Variants in SLC9A8 observed in about 807,000 individuals in gnomAD.
SLC9A8 encodes sodium/hydrogen exchanger 8.
A neutral mutation model predicts 66.6 loss-of-function variants in SLC9A8; 48 were observed. The observed-to-expected ratio is 0.72, with a 90% CI of 0.57 to 0.92. SLC9A8 has a LOEUF of 0.92. Ranked by LOEUF, SLC9A8 falls within the 40% of genes least tolerant of loss-of-function variation. SLC9A8 has a pLI of 0.00. For missense variants in SLC9A8, 599 were observed against 747.3 expected (o/e 0.80, Z 2.31); for synonymous variants, 274 against 282.6 (o/e 0.97, Z 0.31).
rs2090027736 is a variant in SLC9A8 at position 49,890,923 on chromosome 20, T to C, written c.*2987T>C. On this transcript the variant is annotated 3_prime_UTR_variant, in exon 16 of 16. Transcript: ENST00000361573. ...CAGGATTCCTTTGTGTGCCATGGAA[T>C]GCTGAAAGATGGGTGACTGGGGACC... 6.6e-6 allele frequency: 1 copy of C among 152,292 alleles called. No homozygotes were observed. Among genetic ancestry groups the C allele is most frequent in the Admixed American group, 6.5e-5 (1 of 15,286 alleles). 9.4% of individuals were successfully genotyped at this position (152,292 alleles called of 1,614,324 possible). A position where few individuals can be genotyped will look rare whatever the true frequency, so the allele number is the denominator to read the frequency against.
chr20:49,848,230 G>C (rs1245703489), intron 5 of SLC9A8, among the ~76,000 whole-genome samples: 6 of 152,088 alleles, frequency 3.9e-5, no homozygotes, highest in Non-Finnish European at 1.5e-5. Context: ...AGTCTAATCT[G>C]TTTTTAAATA....
At position 49,836,099 on chromosome 20, in the gene SLC9A8, C is replaced by T. The variant is rs189642704; in HGVS notation, c.290-3442C>T. Among the ~76,000 whole-genome samples, 216 of 152,266 alleles carry T rather than the reference C, an allele frequency of 1.4e-3. 3 individuals carry two copies. In the South Asian group the frequency reaches 0.028, roughly 20 times the overall value. Reference sequence around the variant, plus strand: ...CATGCCCTTTAGCTCTCCTCCCTGTCCCTGGGCAACCATTACTGTCCCTGT... The same window carrying T: ...CATGCCCTTTAGCTCTCCTCCCTGTTCCTGGGCAACCATTACTGTCCCTGT... On this transcript the variant is annotated intron_variant, in intron 3 of 15. Coordinates refer to ENST00000361573, the MANE Select transcript of SLC9A8 (RefSeq NM_015266.3).
chr20:49,815,194 A>C lies in SLC9A8; in HGVS notation c.208+5A>C, dbSNP rs1171981720. On this transcript the variant is annotated splice_donor_5th_base_variant and intron_variant, in intron 2 of 15. Transcript: ENST00000361573. ...TCTTCAGCCTCCTTGTCCTAGGTGAATATGGACACTGTCATCCCCATCATC... is the reference window on the plus strand; with the variant it reads ...TCTTCAGCCTCCTTGTCCTAGGTGACTATGGACACTGTCATCCCCATCATC... 1 of 1,537,576 alleles carries C rather than the reference A, an allele frequency of 6.5e-7. No homozygotes were observed. Among genetic ancestry groups the C allele is most frequent in the East Asian group, 2.4e-5 (1 of 41,376 alleles).
chr20:49,873,771 C>CAAAAAAAAAAAAAAAAACAAAAA (rs2089306914), intron 10 of SLC9A8, among the ~76,000 whole-genome samples: 1 of 60,228 alleles, frequency 1.7e-5, no homozygotes, highest in Non-Finnish European at 3.0e-5. Flanking sequence ...AACTCCGTCT[C>CAAAAAAAAAAAAAAAAACAAAAA]AAAAAAAAAA....
chr20:49,823,225 A>G, intron 3 of SLC9A8, 84 bp downstream of exon 3: 3 of 971,940 alleles, frequency 3.1e-6, no homozygotes, highest in Non-Finnish European at 5.0e-6. Flanking sequence ...CAGGAACCAC[A>G]AGAGATGCAT....
intron 2 of SLC9A8, among the ~76,000 whole-genome samples, chr20:49,819,635 A>T (rs373943245): frequency 6.6e-6 from 1 of 152,156 alleles, no homozygotes; most frequent in Admixed American, 6.5e-5. Context: ...TGCAGCTATC[A>T]CTACTATCTA....
intron 13 of SLC9A8, 91 bp downstream of exon 13, chr20:49,881,126 T>A: frequency 1.1e-6 from 1 of 881,606 alleles, no homozygotes; most frequent in Non-Finnish European, 1.9e-6. Context: ...CTAGCGCCCT[T>A]GGCAAAACCA....
intron 13 of SLC9A8, 104 bp downstream of exon 13, chr20:49,881,139 A>G: frequency 1.3e-6 from 1 of 771,394 alleles, no homozygotes; most frequent in African/African-American, 1.7e-5. Flanking sequence ...CAAAACCACA[A>G]GTAATCAATA....
At chr20:49,887,014 C>A in intron 15 of SLC9A8, 116 bp downstream of exon 15, 2 of 1,187,568 alleles carry the variant, frequency 1.7e-6, no homozygotes, top group Non-Finnish European at 2.3e-6. Context: ...CTCACGTGGG[C>A]CCGCCAGGCC....
intron 13 of SLC9A8, among the ~76,000 whole-genome samples, 169 bp downstream of exon 13, chr20:49,881,204 A>G (rs1005087675): frequency 5.9e-5 from 9 of 152,160 alleles, no homozygotes; most frequent in African/African-American, 1.7e-4. Flanking sequence ...CCATGGTGCT[A>G]TGAAGTGGGT....
chr20:49,828,397 A>T (rs55950635), intron 3 of SLC9A8, among the ~76,000 whole-genome samples: 36,415 of 151,014 alleles, frequency 0.24, 4,615 homozygotes, highest in Non-Finnish European at 0.3. Flanking sequence ...TTATATATAT[A>T]TTTTTTAGTA....
intron 10 of SLC9A8, among the ~76,000 whole-genome samples, chr20:49,868,620 C>G (rs1161199899): frequency 6.6e-6 from 1 of 152,216 alleles, no homozygotes; most frequent in Non-Finnish European, 1.5e-5. Flanking sequence ...AACACAGTTG[C>G]TAAGGACTGG....
rs1176675201 is a variant in SLC9A8 at position 49,815,392 on chromosome 20, C to G, written c.208+203C>G. 12 of 413,988 alleles carry G rather than the reference C, an allele frequency of 2.9e-5. No homozygotes were observed. The East Asian group carries it at 4.4e-4, about 15-fold the overall frequency. The allele number at this position is 413,988 out of a possible 1,614,324, so 25.6% of individuals were successfully genotyped here. A position where few individuals can be genotyped will look rare whatever the true frequency, so the allele number is the denominator to read the frequency against. ...ATAAAATCATGGTGCTTAGCAAGTTCTGAAGAGCTGTTGATGTAATATCTT... is the reference window on the plus strand; with the variant it reads ...ATAAAATCATGGTGCTTAGCAAGTTGTGAAGAGCTGTTGATGTAATATCTT... On this transcript the variant is annotated intron_variant, in intron 2 of 15. Transcript: ENST00000361573.
At chr20:49,860,585 G>A (rs1040887886) in intron 8 of SLC9A8, among the ~76,000 whole-genome samples, 1 of 152,102 alleles carries the variant, frequency 6.6e-6, no homozygotes, top group Non-Finnish European at 1.5e-5. Flanking sequence ...GCTGGGCACG[G>A]TGGTGCGCAT....
At chr20:49,836,964 T>C (rs1032211758) in intron 3 of SLC9A8, among the ~76,000 whole-genome samples, 1 of 152,144 alleles carries the variant, frequency 6.6e-6, no homozygotes, top group African/African-American at 2.4e-5. Flanking sequence ...CCCATTCTAT[T>C]TCTAAAAAGA....
intron 10 of SLC9A8, among the ~76,000 whole-genome samples, chr20:49,871,395 C>A (rs2089202015): frequency 6.6e-6 from 1 of 152,226 alleles, no homozygotes; most frequent in Non-Finnish European, 1.5e-5. Flanking sequence ...TTCTGCCATT[C>A]TTCCTTCAGG....
At chr20:49,825,594 G>T (rs956561134) in intron 3 of SLC9A8, among the ~76,000 whole-genome samples, 1 of 152,166 alleles carries the variant, frequency 6.6e-6, no homozygotes, top group African/African-American at 2.4e-5. Context: ...TTGAGCTCCA[G>T]TCAACGCCAG....
At chr20:49,843,172 G>A (rs1440863258) in intron 4 of SLC9A8, among the ~76,000 whole-genome samples, 1 of 151,998 alleles carries the variant, frequency 6.6e-6, no homozygotes, top group Non-Finnish European at 1.5e-5. Flanking sequence ...CCCCACTATA[G>A]GTAGATTCTC....
chr20:49,830,330 A>C, intron 3 of SLC9A8: 1 of 1,016,318 alleles, frequency 9.8e-7, no homozygotes, highest in Middle Eastern at 2.1e-4. Context: ...CTGCCAAGAA[A>C]CGTGATTTGT....
Sources: gnomAD v4.1 joint callset for allele counts (sites outside exome capture counted in the v4.1 genomes callset) on GRCh38, gnomAD v4.1.1 for gene constraint, MANE v1.5 for transcripts, NCBI Gene and HGNC (gene_info 2026-07-23, HGNC 2026-07-21) for gene names.